The following NLN variants were observed in gnomAD, a reference collection of about 807,000 sequenced individuals.
NLN encodes neurolysin, also known as neurolysin, mitochondrial.
In NLN, 64 loss-of-function variants were observed where a neutral mutation model predicts 79.9. That is an observed-to-expected ratio of 0.80 (90% confidence interval 0.65 to 0.99). The LOEUF (loss-of-function observed/expected upper bound fraction) is 0.99, where lower values mean the gene tolerates loss of function less well. NLN is among the 50% of genes least tolerant of loss of function. The probability of loss-of-function intolerance (pLI) is 0.00; values close to 1 mark genes in which losing one functional copy is unlikely to be tolerated. For missense variants in NLN, 835 were observed against 858.7 expected (o/e 0.97, Z 0.34); for synonymous variants, 267 against 296.6 (o/e 0.90, Z 1.02).
At chr5:65,773,626 G>C (rs1429106202) in intron 3 of NLN, among the ~76,000 whole-genome samples, 1 of 152,108 alleles carries the variant, frequency 6.6e-6, no homozygotes, top group Non-Finnish European at 1.5e-5. Flanking sequence ...CGGAAGGTGG[G>C]GAGGGTTTGG....
intron 9 of NLN, among the ~76,000 whole-genome samples, chr5:65,808,655 C>G (rs1760475486): frequency 6.6e-6 from 1 of 152,188 alleles, no homozygotes; most frequent in Admixed American, 6.5e-5. Context: ...TCATTAAACT[C>G]TTTTTAAACC....
In NLN at chr5:65,823,515, A is replaced by G. The variant is rs1420740056; in HGVS notation, c.*600A>G. 3 of 152,258 alleles carry G rather than the reference A, an allele frequency of 2.0e-5. No individual in the cohort carries two copies. The highest frequency in any genetic ancestry group is 1.9e-4 in the East Asian group (1 of 5,188). The allele number at this position is 152,258 out of a possible 1,614,324, so 9.4% of individuals were successfully genotyped here. Reference sequence around the variant, plus strand: ...TGCCACACTTAAATTACGTTCCTCCATTTCAGTTTTGTCTTTTCTGTCTAA... The same window carrying G: ...TGCCACACTTAAATTACGTTCCTCCGTTTCAGTTTTGTCTTTTCTGTCTAA... On this transcript the variant is annotated 3_prime_UTR_variant, in exon 13 of 13. Coordinates refer to ENST00000380985, the MANE Select transcript of NLN (RefSeq NM_020726.5).
chr5:65,754,627 T>C (rs909932238), intron 1 of NLN, among the ~76,000 whole-genome samples: 1 of 152,108 alleles, frequency 6.6e-6, no homozygotes, highest in Non-Finnish European at 1.5e-5. Context: ...CTTCCTGACC[T>C]TTTCTAAAAT....
intron 1 of NLN, among the ~76,000 whole-genome samples, chr5:65,748,460 G>T (rs949249579): frequency 6.6e-6 from 1 of 151,880 alleles, no homozygotes; most frequent in Non-Finnish European, 1.5e-5. Context: ...GAGTGAAATA[G>T]GTTAAGGAAG....
intron 9 of NLN, 196 bp downstream of exon 9, chr5:65,792,851 A>G: frequency 1.5e-6 from 1 of 648,450 alleles, no homozygotes; most frequent in Non-Finnish European, 2.8e-6. Flanking sequence ...AGGTTCATCT[A>G]CCAGTGAAAG....
chr5:65,757,602 ATATG>A (rs1442030990), intron 1 of NLN, among the ~76,000 whole-genome samples: 1 of 152,020 alleles, frequency 6.6e-6, no homozygotes, highest in Non-Finnish European at 1.5e-5. Context: ...GTACTTATAT[ATATG>A]TATATGTATG....
chr5:65,764,147 T>C (rs1376046898), intron 3 of NLN, among the ~76,000 whole-genome samples: 2 of 152,182 alleles, frequency 1.3e-5, no homozygotes, highest in African/African-American at 2.4e-5. Context: ...GAATTTTTCC[T>C]AGAATTTCCA....
chr5:65,767,398 C>T (rs1422005665), intron 3 of NLN, among the ~76,000 whole-genome samples: 1 of 152,198 alleles, frequency 6.6e-6, no homozygotes, highest in Non-Finnish European at 1.5e-5. Flanking sequence ...TACCTTGGCC[C>T]CTTTTAGCCC....
chr5:65,775,698 CT>C (rs1432503760), intron 3 of NLN, among the ~76,000 whole-genome samples: 1 of 152,220 alleles, frequency 6.6e-6, no homozygotes, highest in African/African-American at 2.4e-5. Context: ...CTGGCCACCC[CT>C]GAGGGAACCA....
rs543352813 is a variant in NLN, at chr5:65,763,531, T to G, written c.450+423T>G. ...ATTCCTGTCTGTCATCCTTACATTTTTCAAGACTTGGGGAAATTATGGATA... is the reference window on the plus strand; with the variant it reads ...ATTCCTGTCTGTCATCCTTACATTTGTCAAGACTTGGGGAAATTATGGATA... On this transcript the variant is annotated intron_variant, in intron 3 of 12. Transcript: ENST00000380985. Among the ~76,000 whole-genome samples the G allele has an allele frequency of 4.6e-5, 7 of 152,300 alleles. No individual in the cohort carries two copies. In the East Asian group the frequency reaches 1.3e-3, roughly 29 times the overall value.
At chr5:65,812,081 T>C (rs1053502035) in intron 11 of NLN, among the ~76,000 whole-genome samples, 174 bp from the exon 12 acceptor site, 22 of 152,058 alleles carry the variant, frequency 1.4e-4, no homozygotes, top group African/African-American at 5.3e-4. Context: ...TTGATAGATG[T>C]TTATAAACAT....
intron 12 of NLN, among the ~76,000 whole-genome samples, chr5:65,815,672 C>T (rs994616532): frequency 1.3e-5 from 2 of 152,126 alleles, no homozygotes; most frequent in Non-Finnish European, 2.9e-5. Flanking sequence ...TGGCCCCTCA[C>T]CCTCACACCC....
intron 4 of NLN, among the ~76,000 whole-genome samples, 177 bp downstream of exon 4, chr5:65,777,711 G>A (rs1421665644): frequency 3.9e-5 from 6 of 152,090 alleles, no homozygotes; most frequent in East Asian, 1.9e-4. Flanking sequence ...TGGGTTAGGC[G>A]TGCTCTACTG....
At chr5:65,790,709 A>T (rs1364668224) in intron 8 of NLN, among the ~76,000 whole-genome samples, 1 of 152,222 alleles carries the variant, frequency 6.6e-6, no homozygotes, top group African/African-American at 2.4e-5. Flanking sequence ...TGCTTTATGG[A>T]CTTACTTTCA....
chr5:65,819,184 C>G (rs1760738848), intron 12 of NLN, among the ~76,000 whole-genome samples: 1 of 152,000 alleles, frequency 6.6e-6, no homozygotes, highest in Non-Finnish European at 1.5e-5. Flanking sequence ...AGTGCTACAC[C>G]AGGAATGCAT....
At chr5:65,744,965 C>T (rs1758943547) in intron 1 of NLN, among the ~76,000 whole-genome samples, 1 of 152,158 alleles carries the variant, frequency 6.6e-6, no homozygotes, top group Non-Finnish European at 1.5e-5. Context: ...GAAGAATTTG[C>T]CATTTCCTGG....
At chr5:65,745,334 G>C (rs1219120802) in intron 1 of NLN, among the ~76,000 whole-genome samples, 1 of 152,294 alleles carries the variant, frequency 6.6e-6, no homozygotes, top group South Asian at 2.1e-4. Flanking sequence ...GAAATTTGAT[G>C]ATTTCCTTTT....
Position 65,733,530 on chromosome 5 carries a change from C to T in NLN, c.41+11116C>T, listed in dbSNP as rs1197438464. 7.6e-6 allele frequency: 11 copies of T among 1,452,614 alleles called. 1 individual carries two copies. Among genetic ancestry groups the T allele is most frequent in the East Asian group, 2.3e-5 (1 of 43,924 alleles). The allele number at this position is 1,452,614 out of a possible 1,614,324, so 90.0% of individuals were successfully genotyped here. On this transcript the variant is annotated intron_variant, in intron 1 of 12. Coordinates refer to ENST00000380985, the MANE Select transcript of NLN (RefSeq NM_020726.5). ...CAATTGGGAGATCCTTGCCCCAATT[C>T]GGGCTGAGCTGATGTGTACAGTCAG...
At chr5:65,740,707 C>T (rs183717375) in intron 1 of NLN, among the ~76,000 whole-genome samples, 3 of 151,750 alleles carry the variant, frequency 2.0e-5, no homozygotes, top group South Asian at 2.1e-4. Context: ...CGTCCAAAAT[C>T]GGTTGGCCAT....
Sources: allele counts gnomAD v4.1 joint callset (sites outside exome capture counted in the v4.1 genomes callset), GRCh38; gene constraint gnomAD v4.1.1; transcripts MANE v1.5; gene names NCBI Gene and HGNC (gene_info 2026-07-23, HGNC 2026-07-21).